XXYLT1: variants seen among roughly 807,000 people sequenced by gnomAD.
XXYLT1 encodes UDP-xylose:alpha-xyloside alpha-1,3-xylosyltransferase.
A neutral mutation model predicts 28.9 loss-of-function variants in XXYLT1; 20 were observed. That is an observed-to-expected ratio of 0.69 (90% CI 0.49 to 1.00). The LOEUF is 1.00. Among genes scored for constraint, XXYLT1 ranks in the 50% least tolerant of loss-of-function variants. The pLI is 0.00. For missense variants in XXYLT1, 542 were observed against 560.1 expected (o/e 0.97, Z 0.33); for synonymous variants, 257 against 253.8 (o/e 1.01, Z -0.12).
intron 1 of XXYLT1, among the ~76,000 whole-genome samples, chr3:195,263,996 C>T (rs768853799): frequency 2.0e-5 from 3 of 152,146 alleles, no homozygotes; most frequent in South Asian, 2.1e-4. Context: ...ACAAACACTC[C>T]GGCCTGTTGC....
intron 3 of XXYLT1, among the ~76,000 whole-genome samples, chr3:195,155,866 C>T (rs1471590975): frequency 1.3e-5 from 2 of 152,236 alleles, no homozygotes; most frequent in East Asian, 3.8e-4. Flanking sequence ...AAATTTGAGT[C>T]GTTTTCAGTT....
At chr3:195,094,602 C>G (rs193258303) in intron 3 of XXYLT1, 1 of 154,052 alleles carries the variant, frequency 6.5e-6, no homozygotes, top group Non-Finnish European at 1.5e-5. Flanking sequence ...CGGGGATTCC[C>G]AGACGCACGC....
chr3:195,239,121 T>C (rs1305913885), intron 1 of XXYLT1, among the ~76,000 whole-genome samples: 1 of 152,246 alleles, frequency 6.6e-6, no homozygotes, highest in African/African-American at 2.4e-5. Context: ...ATATTTCATA[T>C]AATAAATCTG....
intron 2 of XXYLT1, among the ~76,000 whole-genome samples, chr3:195,164,816 T>A (rs1280276354): frequency 1.3e-5 from 2 of 152,204 alleles, no homozygotes; most frequent in African/African-American, 4.8e-5. Context: ...TATCTGTGGG[T>A]CCTTGACTAC....
intron 1 of XXYLT1, among the ~76,000 whole-genome samples, chr3:195,267,561 T>C (rs535189955): frequency 6.6e-6 from 1 of 152,280 alleles, no homozygotes; most frequent in Admixed American, 6.5e-5. Flanking sequence ...ACAATTCCAG[T>C]ATAAAATTCC....
intron 2 of XXYLT1, among the ~76,000 whole-genome samples, chr3:195,187,201 G>T (rs547220942): frequency 6.6e-4 from 99 of 149,886 alleles, no homozygotes; most frequent in Middle Eastern, 3.6e-3. Context: ...TCCCACCACT[G>T]CACTCCAGCC....
intron 3 of XXYLT1, among the ~76,000 whole-genome samples, chr3:195,122,759 G>C (rs572179551): frequency 6.6e-6 from 1 of 152,232 alleles, no homozygotes; most frequent in Non-Finnish European, 1.5e-5. Flanking sequence ...CACCCCATCA[G>C]TGTGACAGCG....
intron 1 of XXYLT1, among the ~76,000 whole-genome samples, chr3:195,260,848 G>C (rs1244938925): frequency 1.3e-5 from 2 of 152,220 alleles, no homozygotes; most frequent in Non-Finnish European, 2.9e-5. Context: ...AGCGCTCCCT[G>C]AAGCAGATGA....
chr3:195,098,273 G>A (rs1305685543), intron 3 of XXYLT1, among the ~76,000 whole-genome samples: 8 of 152,230 alleles, frequency 5.3e-5, no homozygotes, highest in Non-Finnish European at 1.2e-4. Context: ...TTAAAATGGA[G>A]CCAGGTGCAG....
chr3:195,144,234 TG>T (rs1467282868), intron 3 of XXYLT1, among the ~76,000 whole-genome samples: 1 of 150,698 alleles, frequency 6.6e-6, no homozygotes. Context: ...ATATGGCATG[TG>T]GACCGGGGAC....
Position 195,076,161 on chromosome 3 carries a change from A to T in XXYLT1, c.786-6050T>A, listed in dbSNP as rs1188981028. 6.6e-6 allele frequency among the ~76,000 whole-genome samples: 1 copy of T among 152,186 alleles called. No homozygotes were observed. The highest frequency in any genetic ancestry group is 1.5e-5 in the Non-Finnish European group (1 of 68,026). On this transcript the variant is annotated intron_variant, in intron 3 of 3. Coordinates refer to ENST00000310380, the MANE Select transcript of XXYLT1 (RefSeq NM_152531.5). The surrounding 1 kb of genome is among the most constrained non-coding windows in gnomAD (Gnocchi z 5.3). ...ATCTCTGCACCATCTGCACAGCCTG[A>T]GAGAACAGAGGTTCAGGGAAGGAAG... is the stretch of plus-strand genomic sequence containing the variant.
chr3:195,165,650 C>T (rs1047715006), intron 2 of XXYLT1, among the ~76,000 whole-genome samples: 9 of 152,170 alleles, frequency 5.9e-5, no homozygotes, highest in African/African-American at 2.2e-4. Context: ...TGCAAACTGA[C>T]TAGCCAATGG....
chr3:195,180,559 C>A lies in XXYLT1; in HGVS notation c.653-23978G>T. 1 of 985,352 alleles carries A rather than the reference C, an allele frequency of 1.0e-6. No individual in the cohort carries two copies. The highest frequency in any genetic ancestry group is 1.2e-6 in the Non-Finnish European group (1 of 829,854). 61.0% of individuals were successfully genotyped at this position (985,352 alleles called of 1,614,324 possible). ...AACAGATAAGGGTCAGCATCTGAGG[C>A]CAGACCCTAAGGCCCTTCCCAGCCC... On this transcript the variant is annotated intron_variant, in intron 2 of 3. Transcript: ENST00000310380. This position sits in a 1 kb window ranked among gnomAD's most constrained non-coding sequence, Gnocchi z 5.8.
intron 2 of XXYLT1, among the ~76,000 whole-genome samples, chr3:195,187,455 AT>A (rs1007157869): frequency 2.0e-5 from 3 of 151,640 alleles, no homozygotes; most frequent in Admixed American, 1.3e-4. Context: ...TATTCATTCA[AT>A]TTTTTTTCTG....
At chr3:195,167,073 G>A (rs1008367976) in intron 2 of XXYLT1, among the ~76,000 whole-genome samples, 3 of 152,226 alleles carry the variant, frequency 2.0e-5, no homozygotes, top group African/African-American at 4.8e-5. Flanking sequence ...GGAAAGCCAC[G>A]GAAGCCATAC....
intron 2 of XXYLT1, among the ~76,000 whole-genome samples, chr3:195,198,842 A>G (rs1722735483): frequency 6.6e-6 from 1 of 152,176 alleles, no homozygotes; most frequent in Admixed American, 6.5e-5. Flanking sequence ...CAGGAAGCAA[A>G]ATATCCCTCC....
chr3:195,206,160 A>G (rs1418592366), intron 2 of XXYLT1, among the ~76,000 whole-genome samples: 1 of 149,306 alleles, frequency 6.7e-6, no homozygotes, highest in East Asian at 2.0e-4. Context: ...ACAGGCCCCC[A>G]CCACCACGCC....
chr3:195,193,414 G>A (rs59334385), intron 2 of XXYLT1, among the ~76,000 whole-genome samples: 7,792 of 152,162 alleles, frequency 0.051, 612 homozygotes, highest in African/African-American at 0.18. Flanking sequence ...ATCTAAATAG[G>A]TGGAGAGACA....
chr3:195,220,361 A>G, intron 2 of XXYLT1, among the ~76,000 whole-genome samples: 1 of 152,086 alleles, frequency 6.6e-6, no homozygotes, highest in Non-Finnish European at 1.5e-5. Context: ...CCAGGCTGGT[A>G]TCGAACTCCT....
Sources: allele counts gnomAD v4.1 joint callset (sites outside exome capture counted in the v4.1 genomes callset), GRCh38; gene constraint gnomAD v4.1.1; non-coding constraint Gnocchi (gnomAD v3.1); transcripts MANE v1.5; gene names NCBI Gene and HGNC (gene_info 2026-07-23, HGNC 2026-07-21).